SHISA9: variants seen among roughly 807,000 people sequenced by gnomAD.
SHISA9 encodes the protein protein shisa-9.
Under a neutral mutation model 38.0 loss-of-function variants are expected in SHISA9, and 13 were observed. The ratio of observed to expected loss-of-function variants is 0.34; its 90% CI spans 0.22 to 0.54. The LOEUF is 0.54. Among genes scored for constraint, SHISA9 ranks in the 20% least tolerant of loss-of-function variants. The pLI is 0.91. For synonymous variants in SHISA9, 275 were observed against 242.0 expected, an observed-to-expected ratio of 1.14 and a Z score of -1.27; for missense variants, 538 against 575.8, an observed-to-expected ratio of 0.93 and a Z score of 0.67.
At chr16:13,472,595 T>C in the SHISA9 span, among the ~76,000 whole-genome samples, 5 of 152,002 alleles carry the variant, frequency 3.3e-5, no homozygotes, top group African/African-American at 1.2e-4. Flanking sequence ...GGTTTCACCA[T>C]GTTAGCCAGG....
At chr16:13,275,692 C>A in the SHISA9 span, among the ~76,000 whole-genome samples, 2 of 151,872 alleles carry the variant, frequency 1.3e-5, no homozygotes, top group East Asian at 1.9e-4. Context: ...ATAGAACTCA[C>A]CAATAAAATC....
chr16:13,161,159 G>A (rs144389223), intron 2 of SHISA9, among the ~76,000 whole-genome samples: 17 of 152,324 alleles, frequency 1.1e-4, no homozygotes, highest in African/African-American at 4.1e-4. Context: ...GAGAATTATA[G>A]TCTATTGTGC....
At chr16:12,907,677 T>G (rs2071120788) in intron 1 of SHISA9, among the ~76,000 whole-genome samples, 2 of 152,210 alleles carry the variant, frequency 1.3e-5, no homozygotes, top group South Asian at 4.1e-4. Flanking sequence ...CTGTGAAATC[T>G]CTTTAGTCTC....
the SHISA9 span, among the ~76,000 whole-genome samples, chr16:13,259,177 C>G: frequency 1.3e-5 from 2 of 152,150 alleles, no homozygotes; most frequent in African/African-American, 4.8e-5. Flanking sequence ...GGTTACAGGG[C>G]CCATGCAAGT....
At chr16:13,086,273 T>A (rs1421678505) in intron 2 of SHISA9, among the ~76,000 whole-genome samples, 1 of 146,072 alleles carries the variant, frequency 6.8e-6, no homozygotes, top group Non-Finnish European at 1.5e-5. Context: ...GAGAATTGCT[T>A]GAACCCGGGA....
intron 2 of SHISA9, among the ~76,000 whole-genome samples, chr16:13,140,638 C>T (rs994382496): frequency 1.4e-4 from 22 of 152,208 alleles, no homozygotes; most frequent in African/African-American, 4.8e-4. Context: ...ATACATCAGA[C>T]ACTATCCTTG....
chr16:13,220,145 A>T (rs984952614), intron 4 of SHISA9, among the ~76,000 whole-genome samples: 1 of 152,192 alleles, frequency 6.6e-6, no homozygotes, highest in African/African-American at 2.4e-5. Context: ...TTAGATCAGG[A>T]GTCTATATTC....
At chr16:13,182,470 G>T (rs1045206667) in intron 2 of SHISA9, among the ~76,000 whole-genome samples, 1 of 152,144 alleles carries the variant, frequency 6.6e-6, no homozygotes, top group Non-Finnish European at 1.5e-5. Context: ...GATGGTGACC[G>T]GTTAGGTTTA....
At chr16:13,003,175 C>A (rs1254719966) in intron 2 of SHISA9, among the ~76,000 whole-genome samples, 2 of 152,164 alleles carry the variant, frequency 1.3e-5, no homozygotes, top group Non-Finnish European at 2.9e-5. Flanking sequence ...GCAAAATGAT[C>A]TAGAGCAGTA....
chr16:13,310,789 T>C, the SHISA9 span, among the ~76,000 whole-genome samples: 2 of 148,726 alleles, frequency 1.3e-5, no homozygotes, highest in Non-Finnish European at 3.0e-5. Context: ...GTCCAAGCAA[T>C]TCTCCTGCCT....
At chr16:13,417,604 G>T in the SHISA9 span, among the ~76,000 whole-genome samples, 73 of 152,266 alleles carry the variant, frequency 4.8e-4, no homozygotes, top group African/African-American at 1.7e-3. Context: ...AACACCACTG[G>T]ATCCCTCATT....
At chr16:12,943,468 A>C (rs1374784754) in intron 2 of SHISA9, among the ~76,000 whole-genome samples, 1 of 151,746 alleles carries the variant, frequency 6.6e-6, no homozygotes, top group Non-Finnish European at 1.5e-5. Context: ...TCTAATTTAT[A>C]TTTCCCTGTT....
chr16:13,454,594 C>A, the SHISA9 span, among the ~76,000 whole-genome samples: 1 of 152,166 alleles, frequency 6.6e-6, no homozygotes, highest in Non-Finnish European at 1.5e-5. Flanking sequence ...CCCGAAGTCA[C>A]ACAGATAGTG....
At chr16:13,003,874 T>G (rs1371137321) in intron 2 of SHISA9, among the ~76,000 whole-genome samples, 1 of 129,558 alleles carries the variant, frequency 7.7e-6, no homozygotes, top group African/African-American at 3.6e-5. Flanking sequence ...ATAATAATAA[T>G]AATAATAATA....
intron 2 of SHISA9, among the ~76,000 whole-genome samples, chr16:13,056,619 G>T (rs1046498920): frequency 1.5e-4 from 23 of 152,164 alleles, no homozygotes; most frequent in African/African-American, 5.6e-4. Context: ...TCAGACTCAG[G>T]GCCTGCTCCT....
intron 4 of SHISA9, among the ~76,000 whole-genome samples, chr16:13,217,007 C>T (rs920512474): frequency 2.0e-5 from 3 of 152,044 alleles, no homozygotes; most frequent in Admixed American, 1.3e-4. Context: ...CGCGGTGGCT[C>T]ACGCCTGTAA....
chr16:13,081,676 C>G (rs1253568584), intron 2 of SHISA9, among the ~76,000 whole-genome samples: 1 of 151,846 alleles, frequency 6.6e-6, no homozygotes, highest in Non-Finnish European at 1.5e-5. Context: ...CAGGATATTT[C>G]TCAACACAGC....
At chr16:13,367,558 G>A in the SHISA9 span, among the ~76,000 whole-genome samples, 1 of 150,570 alleles carries the variant, frequency 6.6e-6, no homozygotes, top group Non-Finnish European at 1.5e-5. Flanking sequence ...CCCAAAATCT[G>A]TTGACTTATT....
At chr16:12,986,783 G>A (rs566518762) in intron 2 of SHISA9, among the ~76,000 whole-genome samples, 19 of 152,226 alleles carry the variant, frequency 1.2e-4, no homozygotes, top group Admixed American at 7.2e-4. Context: ...AGGAGAAGAA[G>A]TACAACCATT....
Sources: allele counts gnomAD v4.1 joint callset (sites outside exome capture counted in the v4.1 genomes callset), GRCh38; gene constraint gnomAD v4.1.1; transcripts MANE v1.5; gene names NCBI Gene and HGNC (gene_info 2026-07-23, HGNC 2026-07-21).